CAMTA1: variants seen among roughly 807,000 people sequenced by gnomAD.
The protein encoded by CAMTA1 is calmodulin binding transcription activator 1, also known as calmodulin-binding transcription activator 1.
CAMTA1 carries 27 observed loss-of-function variants against 170.9 expected under a neutral mutation model. The observed-to-expected ratio is 0.16, with a 90% CI of 0.12 to 0.22. The LOEUF is 0.22. Among genes scored for constraint, CAMTA1 ranks in the 10% least tolerant of loss-of-function variants. The pLI is 1.00. For synonymous variants in CAMTA1, 833 were observed against 891.5 expected, an observed-to-expected ratio of 0.93 and a Z score of 1.17; for missense variants, 1,619 against 2,217.2, an observed-to-expected ratio of 0.73 and a Z score of 5.42.
chr1:7,256,487 G>A (rs1051042014), intron 5 of CAMTA1, among the ~76,000 whole-genome samples: 1 of 152,192 alleles, frequency 6.6e-6, no homozygotes, highest in Non-Finnish European at 1.5e-5. Flanking sequence ...GTGAACCCGG[G>A]AGGCGCAGCT....
At chr1:7,661,658 C>G in intron 7 of CAMTA1, 68 bp from the exon 8 acceptor site, 1 of 1,575,764 alleles carries the variant, frequency 6.3e-7, no homozygotes, top group African/African-American at 1.3e-5. Context: ...GGGTCCTACC[C>G]CTTGGCCCCA....
chr1:7,408,231 GCAGA>G (rs2090442889), intron 5 of CAMTA1, among the ~76,000 whole-genome samples: 1 of 152,242 alleles, frequency 6.6e-6, no homozygotes, highest in African/African-American at 2.4e-5. Flanking sequence ...CGATGGCGGG[GCAGA>G]CAGAGACTCC....
At chr1:7,569,351 TAC>T (rs1304004360) in intron 6 of CAMTA1, among the ~76,000 whole-genome samples, 6 of 122,994 alleles carry the variant, frequency 4.9e-5, no homozygotes, top group African/African-American at 1.6e-4. Context: ...TCATCATCAC[TAC>T]CACCATCACC....
At chr1:7,530,450 C>T (rs1309021019) in intron 6 of CAMTA1, among the ~76,000 whole-genome samples, 1 of 152,090 alleles carries the variant, frequency 6.6e-6, no homozygotes, top group Non-Finnish European at 1.5e-5. Flanking sequence ...GCATTTGTTT[C>T]GGTGATTTAT....
chr1:7,302,283 A>G (rs1557473826), intron 5 of CAMTA1, among the ~76,000 whole-genome samples: 1 of 151,696 alleles, frequency 6.6e-6, no homozygotes, highest in African/African-American at 2.4e-5. Flanking sequence ...CCCCTCCCGC[A>G]CCTGGCCCCA....
At chr1:7,581,118 CT>C in intron 6 of CAMTA1, among the ~76,000 whole-genome samples, 1 of 152,348 alleles carries the variant, frequency 6.6e-6, no homozygotes, top group East Asian at 1.9e-4. Context: ...CCTCCCACAT[CT>C]GCTGGGCACC....
intron 5 of CAMTA1, among the ~76,000 whole-genome samples, chr1:7,284,436 T>A (rs1156662471): frequency 6.6e-6 from 1 of 152,056 alleles, no homozygotes; most frequent in Non-Finnish European, 1.5e-5. Context: ...ACTCCTGACC[T>A]CGTGATCTGC....
intron 5 of CAMTA1, among the ~76,000 whole-genome samples, chr1:7,337,655 T>A (rs553900519): frequency 6.6e-6 from 1 of 151,912 alleles, no homozygotes; most frequent in South Asian, 2.1e-4. Flanking sequence ...ATGTGGGCGG[T>A]GGGCCTCATC....
At chr1:6,844,089 AAGTG>A (rs1171319714) in intron 3 of CAMTA1, among the ~76,000 whole-genome samples, 1 of 152,358 alleles carries the variant, frequency 6.6e-6, no homozygotes, top group African/African-American at 2.4e-5. Context: ...AATATTCAAG[AAGTG>A]AGTAACTCTC....
chr1:7,042,643 C>T (rs866686759), intron 3 of CAMTA1, among the ~76,000 whole-genome samples: 29 of 152,296 alleles, frequency 1.9e-4, no homozygotes, highest in African/African-American at 5.1e-4. Context: ...GAGATGCCGC[C>T]CCAGGTTGGA....
chr1:7,412,175 T>C (rs1245987952), intron 5 of CAMTA1, among the ~76,000 whole-genome samples: 1 of 152,182 alleles, frequency 6.6e-6, no homozygotes, highest in African/African-American at 2.4e-5. Context: ...ACATTTGGGT[T>C]GGTTCCAAGT....
At chr1:6,878,483 C>T (rs574021149) in intron 3 of CAMTA1, among the ~76,000 whole-genome samples, 50 of 152,302 alleles carry the variant, frequency 3.3e-4, no homozygotes, top group Middle Eastern at 3.4e-3. Context: ...GGCATTGCCA[C>T]GGTATAGCAG....
intron 5 of CAMTA1, among the ~76,000 whole-genome samples, chr1:7,407,414 C>G (rs549229300): frequency 6.6e-6 from 1 of 152,316 alleles, no homozygotes; most frequent in African/African-American, 2.4e-5. Flanking sequence ...AAGGGCCCTG[C>G]TCTGTGGGGC....
At chr1:7,476,959 A>T (rs958099096) in intron 6 of CAMTA1, among the ~76,000 whole-genome samples, 2 of 152,172 alleles carry the variant, frequency 1.3e-5, no homozygotes, top group African/African-American at 4.8e-5. Context: ...CGCCATGCAG[A>T]GGGAAGGCTG....
intron 3 of CAMTA1, among the ~76,000 whole-genome samples, chr1:7,052,150 C>A (rs1706491752): frequency 6.6e-6 from 1 of 152,192 alleles, no homozygotes; most frequent in Non-Finnish European, 1.5e-5. Context: ...GAGTCTGCAT[C>A]TTCGGCTGCT....
At chr1:6,827,286 G>T (rs1479989138) in intron 3 of CAMTA1, among the ~76,000 whole-genome samples, 3 of 152,192 alleles carry the variant, frequency 2.0e-5, no homozygotes, top group Non-Finnish European at 4.4e-5. Flanking sequence ...ACAGCTGATG[G>T]GTGAAGCCAT....
intron 4 of CAMTA1, among the ~76,000 whole-genome samples, chr1:7,165,362 A>G (rs1314794088): frequency 6.6e-6 from 1 of 152,230 alleles, no homozygotes; most frequent in African/African-American, 2.4e-5. Context: ...AACATAATGT[A>G]TACACATAAT....
In CAMTA1 at chr1:7,064,734, A is replaced by G. The variant is rs555369500; in HGVS notation, c.235-26570A>G. On this transcript the variant is annotated intron_variant, in intron 3 of 22. Coordinates refer to ENST00000303635, the MANE Select transcript of CAMTA1 (RefSeq NM_015215.4). This position sits in a 1 kb window ranked among gnomAD's most constrained non-coding sequence, Gnocchi z 5.4. Reference sequence around the variant, plus strand: ...TCCAGAGATTGCAGAGCATGCTGGTACTGGAGGGTGGGGGAGGTGGCAGGA... The same window carrying G: ...TCCAGAGATTGCAGAGCATGCTGGTGCTGGAGGGTGGGGGAGGTGGCAGGA... 3.1e-4 allele frequency among the ~76,000 whole-genome samples: 46 copies of G among 148,080 alleles called. No individual in the cohort carries two copies. Among genetic ancestry groups the G allele is most frequent in the Non-Finnish European group, 5.8e-4 (39 of 67,228 alleles).
chr1:7,737,922 C>T (rs763474893), intron 15 of CAMTA1, 37 bp from the exon 16 acceptor site: 1 of 1,550,586 alleles, frequency 6.4e-7, no homozygotes, highest in East Asian at 2.3e-5. Context: ...CTAGTTGTAT[C>T]TCCTGTCCTG....
Sources: gnomAD v4.1 joint callset for allele counts (sites outside exome capture counted in the v4.1 genomes callset) on GRCh38, gnomAD v4.1.1 for gene constraint, Gnocchi (gnomAD v3.1) non-coding constraint, MANE v1.5 for transcripts, NCBI Gene and HGNC (gene_info 2026-07-23, HGNC 2026-07-21) for gene names.